Variants in SMG6 observed in about 807,000 individuals in gnomAD.
The protein encoded by SMG6 is SMG6 nonsense mediated mRNA decay factor.
Under a neutral mutation model 142.2 loss-of-function variants are expected in SMG6, and 66 were observed. The observed-to-expected ratio is 0.46, with a 90% CI of 0.38 to 0.57. The LOEUF is 0.57. Among genes scored for constraint, SMG6 ranks in the 20% least tolerant of loss-of-function variants. The probability of loss-of-function intolerance (pLI) is 0.00; values close to 1 mark genes in which losing one functional copy is unlikely to be tolerated. For synonymous variants in SMG6, 779 were observed against 702.4 expected (o/e 1.11, Z -1.72); for missense variants, 1,793 against 1,832.0 (o/e 0.98, Z 0.39).
chr17:2,108,901 C>T (rs2069230194), intron 13 of SMG6, among the ~76,000 whole-genome samples: 1 of 149,086 alleles, frequency 6.7e-6, no homozygotes. Flanking sequence ...TTGAGGATTA[C>T]ACCACTGCAC....
At chr17:2,180,242 G>A (rs2071764932) in intron 12 of SMG6, among the ~76,000 whole-genome samples, 1 of 152,186 alleles carries the variant, frequency 6.6e-6, no homozygotes, top group South Asian at 2.1e-4. Context: ...TAGCAGATGG[G>A]GCAAGTAGGT....
intron 8 of SMG6, among the ~76,000 whole-genome samples, chr17:2,276,847 T>C (rs183413722): frequency 2.2e-4 from 33 of 152,188 alleles, no homozygotes; most frequent in African/African-American, 7.9e-4. Flanking sequence ...AATGGCACAA[T>C]CTCGGCTCAC....
intron 10 of SMG6, among the ~76,000 whole-genome samples, chr17:2,224,120 T>A (rs2073251331): frequency 6.6e-6 from 1 of 152,144 alleles, no homozygotes; most frequent in African/African-American, 2.4e-5. Flanking sequence ...AGAAAATCCT[T>A]TGGTCAGAGA....
At chr17:2,112,376 C>T (rs560437507) in intron 13 of SMG6, among the ~76,000 whole-genome samples, 22 of 151,218 alleles carry the variant, frequency 1.5e-4, no homozygotes, top group South Asian at 1.3e-3. Flanking sequence ...GGCGTCGTGG[C>T]GGGCGTCTGG....
intron 10 of SMG6, among the ~76,000 whole-genome samples, chr17:2,225,354 A>G (rs1459125639): frequency 1.3e-5 from 2 of 151,112 alleles, no homozygotes; most frequent in Non-Finnish European, 2.9e-5. Flanking sequence ...AAAAAAAAAG[A>G]AAAAGCTGGG....
At chr17:2,206,292 G>A (rs577058412) in intron 10 of SMG6, among the ~76,000 whole-genome samples, 1 of 152,186 alleles carries the variant, frequency 6.6e-6, no homozygotes, top group South Asian at 2.1e-4. Context: ...GGTGTTTTAA[G>A]AAGCTCTATA....
At chr17:2,099,572 C>T (rs1017338992) in intron 13 of SMG6, among the ~76,000 whole-genome samples, 30 of 152,040 alleles carry the variant, frequency 2.0e-4, no homozygotes, top group African/African-American at 6.7e-4. Context: ...GAGATTTGGG[C>T]TGAGGTAGAA....
chr17:2,246,989 A>G (rs2073942454), intron 8 of SMG6, among the ~76,000 whole-genome samples: 1 of 152,090 alleles, frequency 6.6e-6, no homozygotes, highest in Non-Finnish European at 1.5e-5. Context: ...CTAGAATACA[A>G]GAGTGAGGAA....
chr17:2,111,567 AC>A (rs1484716235), intron 13 of SMG6, among the ~76,000 whole-genome samples: 2 of 152,052 alleles, frequency 1.3e-5, no homozygotes, highest in African/African-American at 2.4e-5. Flanking sequence ...GCCTGCCACC[AC>A]GCCTGGCTAA....
chr17:2,187,299 A>G (rs1464894371), intron 11 of SMG6, among the ~76,000 whole-genome samples: 3 of 152,250 alleles, frequency 2.0e-5, no homozygotes, highest in African/African-American at 2.4e-5. Flanking sequence ...AAAGGACATT[A>G]AAGAGACACG....
At chr17:2,079,024 C>T (rs766710437) in intron 15 of SMG6, among the ~76,000 whole-genome samples, 5 of 152,096 alleles carry the variant, frequency 3.3e-5, no homozygotes, top group African/African-American at 7.2e-5. Flanking sequence ...GGTGCAGTGG[C>T]GCAATCTTGG....
intron 11 of SMG6, 106 bp downstream of exon 11, chr17:2,188,293 T>C (rs1190417660): frequency 1.2e-6 from 1 of 854,076 alleles, no homozygotes. Context: ...AGAGGAAGAA[T>C]GGAGACTACA....
chr17:2,099,853 C>T (rs1473559963), intron 13 of SMG6, among the ~76,000 whole-genome samples: 4 of 152,054 alleles, frequency 2.6e-5, no homozygotes, highest in Admixed American at 2.6e-4. Context: ...ATTAAAAATG[C>T]AGATTCCCGA....
chr17:2,091,392 T>C (rs2068710513), intron 13 of SMG6, among the ~76,000 whole-genome samples: 1 of 152,118 alleles, frequency 6.6e-6, no homozygotes, highest in Non-Finnish European at 1.5e-5. Context: ...GAGACAGACA[T>C]TCACAGCCTA....
At position 2,085,515 on chromosome 17, in the gene SMG6, T is replaced by C. The variant is rs1389369205; in HGVS notation, c.3534+210A>G. Among the ~76,000 whole-genome samples, 1 of 152,126 alleles carries C rather than the reference T, an allele frequency of 6.6e-6. No individual in the cohort carries two copies. The highest frequency in any genetic ancestry group is 1.5e-5 in the Non-Finnish European group (1 of 68,022). On this transcript the variant is annotated intron_variant, in intron 14 of 18. Transcript: ENST00000263073. The surrounding 1 kb of genome is among the most constrained non-coding windows in gnomAD (Gnocchi z 4.1). ...CCTCAATGCAGCATTAAAAGAAGCA[T>C]CTGGAACTCGTAGTGGAGTAGGATG...
intron 13 of SMG6, among the ~76,000 whole-genome samples, chr17:2,157,892 T>C (rs1037469308): frequency 6.6e-6 from 1 of 152,282 alleles, no homozygotes. Flanking sequence ...AGAAGCTGAA[T>C]TAGAAATCCC....
intron 13 of SMG6, among the ~76,000 whole-genome samples, chr17:2,121,156 G>C (rs2069675695): frequency 1.3e-5 from 2 of 152,082 alleles, no homozygotes; most frequent in African/African-American, 2.4e-5. Flanking sequence ...TCTAATCCTA[G>C]GCATTTACTC....
chr17:2,274,735 T>C (rs965925527), intron 8 of SMG6, among the ~76,000 whole-genome samples: 2 of 152,226 alleles, frequency 1.3e-5, no homozygotes, highest in African/African-American at 4.8e-5. Context: ...GCACCAAGCA[T>C]GTTGCAGGAA....
At chr17:2,115,727 T>C (rs984466374) in intron 13 of SMG6, among the ~76,000 whole-genome samples, 4 of 152,104 alleles carry the variant, frequency 2.6e-5, no homozygotes, top group Non-Finnish European at 5.9e-5. Context: ...TTCTCTTTTT[T>C]GCGGGGGAGG....
Sources: allele counts gnomAD v4.1 joint callset (sites outside exome capture counted in the v4.1 genomes callset), GRCh38; gene constraint gnomAD v4.1.1; non-coding constraint Gnocchi (gnomAD v3.1); transcripts MANE v1.5; gene names NCBI Gene and HGNC (gene_info 2026-07-23, HGNC 2026-07-21).